DPP10: variants seen among roughly 807,000 people sequenced by gnomAD.
DPP10 encodes inactive dipeptidyl peptidase 10.
A neutral mutation model predicts 120.9 loss-of-function variants in DPP10; 33 were observed. The ratio of observed to expected loss-of-function variants is 0.27; its 90% confidence interval spans 0.21 to 0.37. The LOEUF (loss-of-function observed/expected upper bound fraction) is 0.37. Among genes scored for constraint, DPP10 ranks in the 10% least tolerant of loss-of-function variants. DPP10 has a pLI of 1.00. For synonymous variants in DPP10, 337 were observed against 326.1 expected (o/e 1.03, Z -0.36); for missense variants, 816 against 942.8 (o/e 0.87, Z 1.76).
chr2:114,923,756 G>A (rs1045166298), intron 1 of DPP10, among the ~76,000 whole-genome samples: 7 of 151,718 alleles, frequency 4.6e-5, no homozygotes, highest in Non-Finnish European at 8.8e-5. Flanking sequence ...GTGAGCCACC[G>A]CACCTGGCCT....
intron 1 of DPP10, among the ~76,000 whole-genome samples, chr2:114,708,461 G>C (rs1332687988): frequency 6.6e-6 from 1 of 152,252 alleles, no homozygotes; most frequent in Non-Finnish European, 1.5e-5. Flanking sequence ...GTCAGCCAAG[G>C]CTCTCTGGGG....
chr2:115,229,799 A>G (rs1470299510), intron 1 of DPP10, among the ~76,000 whole-genome samples: 5 of 149,740 alleles, frequency 3.3e-5, no homozygotes, highest in Admixed American at 6.7e-5. Flanking sequence ...TTTGTTCACT[A>G]TAGCTCTGAA....
chr2:115,086,675 C>A (rs1291403500), intron 1 of DPP10, among the ~76,000 whole-genome samples: 1 of 152,134 alleles, frequency 6.6e-6, no homozygotes, highest in East Asian at 1.9e-4. Context: ...CCAGGAAGGT[C>A]TCGATCTCCT....
intron 3 of DPP10, among the ~76,000 whole-genome samples, chr2:115,365,307 A>G (rs907368019): frequency 6.6e-6 from 1 of 151,984 alleles, no homozygotes; most frequent in Non-Finnish European, 1.5e-5. Context: ...AGAAAAATGC[A>G]AACATGGAGA....
intron 1 of DPP10, among the ~76,000 whole-genome samples, chr2:115,187,873 G>A (rs1024491670): frequency 6.6e-6 from 1 of 152,108 alleles, no homozygotes; most frequent in Admixed American, 6.6e-5. Flanking sequence ...AAAAAAATTA[G>A]CAGGGTGTGA....
intron 1 of DPP10, among the ~76,000 whole-genome samples, chr2:114,552,665 C>A (rs1687978341): frequency 6.6e-6 from 1 of 152,136 alleles, no homozygotes; most frequent in Non-Finnish European, 1.5e-5. Flanking sequence ...CATGCCTCAG[C>A]CTCCCGAGTA....
chr2:115,525,446 C>A (rs2078070190), intron 4 of DPP10, among the ~76,000 whole-genome samples: 2 of 152,152 alleles, frequency 1.3e-5, no homozygotes, highest in South Asian at 4.1e-4. Flanking sequence ...GAGAGTCTGT[C>A]TTTAATGTTA....
chr2:115,545,400 A>C (rs2079436952), intron 5 of DPP10, among the ~76,000 whole-genome samples: 1 of 152,168 alleles, frequency 6.6e-6, no homozygotes, highest in South Asian at 2.1e-4. Context: ...TATAAATAGA[A>C]GAATTACAGA....
At chr2:114,763,697 C>G (rs1309717451) in intron 1 of DPP10, among the ~76,000 whole-genome samples, 2 of 152,066 alleles carry the variant, frequency 1.3e-5, no homozygotes, top group Non-Finnish European at 2.9e-5. Flanking sequence ...TTAATGGGAA[C>G]ATTTATAATG....
chr2:114,916,713 A>G (rs1694830972), intron 1 of DPP10, among the ~76,000 whole-genome samples: 1 of 152,226 alleles, frequency 6.6e-6, no homozygotes. Context: ...AAGAGAACTT[A>G]AAAACCACAT....
chr2:115,306,110 G>A (rs942846504), intron 1 of DPP10, among the ~76,000 whole-genome samples: 3 of 152,014 alleles, frequency 2.0e-5, no homozygotes, highest in Admixed American at 6.6e-5. Context: ...TTGAGGCTCA[G>A]AATAATTTAG....
chr2:114,603,180 A>C (rs764350553), intron 1 of DPP10, among the ~76,000 whole-genome samples: 1 of 152,070 alleles, frequency 6.6e-6, no homozygotes, highest in African/African-American at 2.4e-5. Context: ...GTTTCAATTT[A>C]CTACATGCCA....
At chr2:114,490,586 T>C (rs1173793846) in intron 1 of DPP10, among the ~76,000 whole-genome samples, 7 of 152,180 alleles carry the variant, frequency 4.6e-5, no homozygotes, top group Admixed American at 3.9e-4. Context: ...CGAGAAAGAC[T>C]TTGTGGAGGA....
At chr2:114,579,080 T>C (rs953353333) in intron 1 of DPP10, among the ~76,000 whole-genome samples, 8 of 152,208 alleles carry the variant, frequency 5.3e-5, no homozygotes, top group African/African-American at 1.9e-4. Flanking sequence ...TGAGCACCCA[T>C]CATTTATCTT....
chr2:114,769,319 A>G lies in DPP10; in HGVS notation c.60+326481A>G, dbSNP rs867917993. Among the ~76,000 whole-genome samples the G allele has an allele frequency of 1.3e-5, 2 of 152,018 alleles. 1 individual carries two copies. Among genetic ancestry groups the G allele is most frequent in the East Asian group, 3.9e-4 (2 of 5,168 alleles). ...GCAACTTGTCATCAACTACAGGGGG[A>G]GTATTTGTACCGGAAAATCTGCAAA... On this transcript the variant is annotated intron_variant, in intron 1 of 25. Coordinates refer to ENST00000410059, the MANE Select transcript of DPP10 (RefSeq NM_020868.6).
At chr2:114,743,943 A>G (rs1678314374) in intron 1 of DPP10, among the ~76,000 whole-genome samples, 1 of 152,130 alleles carries the variant, frequency 6.6e-6, no homozygotes, top group Admixed American at 6.5e-5. Flanking sequence ...CAACTTTATT[A>G]CAAGATCGAA....
At chr2:114,694,905 G>A (rs1330332259) in intron 1 of DPP10, among the ~76,000 whole-genome samples, 2 of 151,898 alleles carry the variant, frequency 1.3e-5, no homozygotes, top group Non-Finnish European at 2.9e-5. Flanking sequence ...GAAGAAGAGA[G>A]AAGAATCTTT....
At chr2:115,679,243 C>G (rs1477155548) in intron 5 of DPP10, among the ~76,000 whole-genome samples, 1 of 152,006 alleles carries the variant, frequency 6.6e-6, no homozygotes, top group African/African-American at 2.4e-5. Flanking sequence ...GTCCCCCACC[C>G]AAATCTTGTC....
chr2:114,937,519 C>G (rs1200511999), intron 1 of DPP10, among the ~76,000 whole-genome samples: 1 of 152,186 alleles, frequency 6.6e-6, no homozygotes, highest in Admixed American at 6.5e-5. Flanking sequence ...CTGCACAGAT[C>G]CCACCTGTTT....
Sources: allele counts gnomAD v4.1 joint callset (sites outside exome capture counted in the v4.1 genomes callset), GRCh38; gene constraint gnomAD v4.1.1; transcripts MANE v1.5; gene names NCBI Gene and HGNC (gene_info 2026-07-23, HGNC 2026-07-21).